TRPM8: variants seen among roughly 807,000 people sequenced by gnomAD.
TRPM8 encodes transient receptor potential cation channel subfamily M member 8.
TRPM8 carries 110 observed loss-of-function variants against 133.7 expected under a neutral mutation model. The ratio of observed to expected loss-of-function variants is 0.82; its 90% CI spans 0.70 to 0.96. The LOEUF (loss-of-function observed/expected upper bound fraction) is 0.96, where lower values mean the gene tolerates loss of function less well. TRPM8 is among the 40% of genes least tolerant of loss of function. TRPM8 has a pLI of 0.00. For synonymous variants in TRPM8, 535 were observed against 532.3 expected, an observed-to-expected ratio of 1.01 and a Z score of -0.07; for missense variants, 1,291 against 1,379.5, an observed-to-expected ratio of 0.94 and a Z score of 1.02.
At chr2:233,975,640 G>A (rs1273507039) in intron 17 of TRPM8, among the ~76,000 whole-genome samples, 2 of 152,190 alleles carry the variant, frequency 1.3e-5, no homozygotes, top group African/African-American at 4.8e-5. Context: ...CAGCACTGTG[G>A]GAGGCCAAGG....
At chr2:234,014,074 A>G (rs1193036004) in intron 24 of TRPM8, among the ~76,000 whole-genome samples, 1 of 152,160 alleles carries the variant, frequency 6.6e-6, no homozygotes, top group Non-Finnish European at 1.5e-5. Context: ...TAATTTCATT[A>G]TGCCTCTTAC....
chr2:233,923,215 C>T (rs541192281), intron 1 of TRPM8, among the ~76,000 whole-genome samples: 1 of 152,316 alleles, frequency 6.6e-6, no homozygotes, highest in South Asian at 2.1e-4. Context: ...CTGGATACCT[C>T]TGGCCCTATT....
intron 3 of TRPM8, among the ~76,000 whole-genome samples, chr2:233,934,955 T>A (rs549608540): frequency 6.6e-6 from 1 of 152,332 alleles, no homozygotes; most frequent in East Asian, 1.9e-4. Context: ...ATCCTACATT[T>A]TGCCATATGT....
intron 2 of TRPM8, among the ~76,000 whole-genome samples, chr2:233,927,923 TTTCTCTCTCTCTCTC>T (rs1691593814): frequency 4.9e-5 from 2 of 40,504 alleles, no homozygotes; most frequent in African/African-American, 3.7e-4. Context: ...TCTCTCTCTC[TTTCTCTCTCTCTCTC>T]TCTCTCTCTC....
chr2:233,982,772 G>T (rs1692042312), intron 19 of TRPM8, among the ~76,000 whole-genome samples: 1 of 152,192 alleles, frequency 6.6e-6, no homozygotes, highest in Non-Finnish European at 1.5e-5. Flanking sequence ...CTTTGCTCTA[G>T]AGCTGGGCTC....
At chr2:233,965,389 TC>T (rs550518683) in intron 14 of TRPM8, among the ~76,000 whole-genome samples, 206 of 152,270 alleles carry the variant, frequency 1.4e-3, no homozygotes, top group Non-Finnish European at 2.2e-3. Flanking sequence ...TAAGCATTGC[TC>T]TCCTGGCATG....
At chr2:233,940,634 T>G (rs1690882712) in intron 5 of TRPM8, among the ~76,000 whole-genome samples, 2 of 152,142 alleles carry the variant, frequency 1.3e-5, no homozygotes, top group Admixed American at 1.3e-4. Flanking sequence ...CCACTTGGAG[T>G]GCTACCTTCA....
At position 234,017,333 on chromosome 2, in the gene TRPM8, A is replaced by G. The variant is rs1411857656; in HGVS notation, c.*77A>G. 2.1e-6 allele frequency: 1 copy of G among 471,238 alleles called. No homozygotes were observed. Among genetic ancestry groups the G allele is most frequent in the Non-Finnish European group, 4.4e-6 (1 of 227,124 alleles). 29.2% of individuals were successfully genotyped at this position (471,238 alleles called of 1,614,324 possible). On this transcript the variant is annotated 3_prime_UTR_variant, in exon 26 of 26. Coordinates refer to ENST00000324695, the MANE Select transcript of TRPM8 (RefSeq NM_024080.5). ...AGGAATGCTGATGAACAATTTTGCT[A>G]TCGACTACTAAATGAGAGATTTTCA...
rs547575385 is a variant in TRPM8, at chr2:233,954,149, T to C, written c.1243+130T>C. The C allele has an allele frequency of 7.0e-5, 40 of 574,972 alleles. No homozygotes were observed. In the East Asian group the frequency reaches 1.2e-3, roughly 17 times the overall value. The allele number at this position is 574,972 out of a possible 1,614,324, so 35.6% of individuals were successfully genotyped here. On this transcript the variant is annotated intron_variant, in intron 10 of 25. Transcript: ENST00000324695. ...TGTACTTAATTTTGATGATCCTAGA[T>C]TGGAAGCTAGAATAACTACGCTTGT... is the stretch of plus-strand genomic sequence containing the variant.
intron 11 of TRPM8, among the ~76,000 whole-genome samples, chr2:233,960,331 G>A (rs1467708878): frequency 6.6e-6 from 1 of 152,172 alleles, no homozygotes; most frequent in Non-Finnish European, 1.5e-5. Flanking sequence ...CGTAGAGACA[G>A]CACTGGTGGC....
rs530939171 is a variant in TRPM8, at chr2:233,995,078, T to C, written c.2940-1248T>C. ...TGCTCCCCTCTGTGAGGTGGTATCA[T>C]GTAGCAGCGAAACAAATAGACGTGG... On this transcript the variant is annotated intron_variant, in intron 21 of 25. Transcript: ENST00000324695. 1.4e-4 allele frequency among the ~76,000 whole-genome samples: 21 copies of C among 152,340 alleles called. 1 individual carries two copies. The highest frequency in any genetic ancestry group is 2.1e-4 in the South Asian group (1 of 4,828).
intron 22 of TRPM8, among the ~76,000 whole-genome samples, chr2:234,000,644 G>C (rs1303169629): frequency 6.6e-6 from 1 of 151,626 alleles, no homozygotes; most frequent in Non-Finnish European, 1.5e-5. Context: ...TGTGACATAG[G>C]AGCCTTCATA....
intron 2 of TRPM8, among the ~76,000 whole-genome samples, chr2:233,928,889 T>G (rs1691624087): frequency 6.6e-6 from 1 of 152,178 alleles, no homozygotes; most frequent in African/African-American, 2.4e-5. Context: ...TATTTATAAT[T>G]TTATGACTTG....
chr2:233,926,188 G>A (rs370849439), intron 1 of TRPM8, among the ~76,000 whole-genome samples: 3 of 152,174 alleles, frequency 2.0e-5, no homozygotes, highest in East Asian at 3.9e-4. Flanking sequence ...CCCTCAGATG[G>A]AGTGCACTGT....
intron 11 of TRPM8, among the ~76,000 whole-genome samples, chr2:233,957,331 A>G (rs1308779635): frequency 6.6e-6 from 1 of 151,020 alleles, no homozygotes; most frequent in Non-Finnish European, 1.5e-5. Flanking sequence ...GCCCCCCCCA[A>G]AAAAAAAATT....
intron 2 of TRPM8, chr2:233,929,866 T>A (rs1396324737): frequency 6.6e-6 from 1 of 152,280 alleles, no homozygotes; most frequent in Non-Finnish European, 1.5e-5. Flanking sequence ...ACCTGGTGGG[T>A]GTGAAATGGG....
chr2:233,958,084 G>C (rs1367249271), intron 11 of TRPM8, among the ~76,000 whole-genome samples: 1 of 152,200 alleles, frequency 6.6e-6, no homozygotes, highest in Non-Finnish European at 1.5e-5. Flanking sequence ...TTCTCTGTGT[G>C]TGTTTACTTG....
intron 3 of TRPM8, 49 bp downstream of exon 3, chr2:233,930,790 T>A: frequency 7.7e-7 from 1 of 1,295,906 alleles, no homozygotes. Context: ...TCAAAAAAAT[T>A]ATCAGCCACC....
intron 24 of TRPM8, among the ~76,000 whole-genome samples, chr2:234,008,843 T>A (rs1692761882): frequency 6.6e-6 from 1 of 152,084 alleles, no homozygotes; most frequent in Admixed American, 6.5e-5. Flanking sequence ...ACAAAAGGGG[T>A]CCCTTGCAGA....
Sources: gnomAD v4.1 joint callset for allele counts (sites outside exome capture counted in the v4.1 genomes callset) on GRCh38, gnomAD v4.1.1 for gene constraint, MANE v1.5 for transcripts, NCBI Gene and HGNC (gene_info 2026-07-23, HGNC 2026-07-21) for gene names.